Variants in RYR3 observed in about 807,000 individuals in gnomAD.
RYR3 encodes the protein ryanodine receptor 3.
A neutral mutation model predicts 584.3 loss-of-function variants in RYR3; 207 were observed. The observed-to-expected ratio is 0.35, with a 90% CI of 0.32 to 0.40. RYR3 has a LOEUF of 0.40. Among genes scored for constraint, RYR3 ranks in the 10% least tolerant of loss-of-function variants. RYR3 has a pLI of 1.00. For synonymous variants in RYR3, 2,416 were observed against 2,248.5 expected (o/e 1.07, Z -2.11); for missense variants, 5,616 against 6,089.2 (o/e 0.92, Z 2.59).
rs1239044248 is a variant in RYR3 at position 33,785,640 on chromosome 15, C to T, written c.9269-22C>T. On this transcript the variant is annotated intron_variant, in intron 65 of 103. Transcript: ENST00000634891. Reference sequence around the variant, plus strand: ...CCACTGTGCTTTTGAATTTCTGTCCCTTTATTCTTCCTCTCAATCAGTTCT... The same window carrying T: ...CCACTGTGCTTTTGAATTTCTGTCCTTTTATTCTTCCTCTCAATCAGTTCT... The T allele has an allele frequency of 2.6e-6, 4 of 1,533,382 alleles. No individual in the cohort carries two copies. In the Admixed American group the frequency reaches 6.0e-5, roughly 23 times the overall value. 95.0% of individuals were successfully genotyped at this position (1,533,382 alleles called of 1,614,324 possible).
At chr15:33,743,244 T>C (rs548141177) in intron 52 of RYR3, among the ~76,000 whole-genome samples, 5 of 152,232 alleles carry the variant, frequency 3.3e-5, no homozygotes, top group African/African-American at 9.6e-5. Flanking sequence ...AGCTCGTCCT[T>C]CCAGGAGTCT....
intron 16 of RYR3, among the ~76,000 whole-genome samples, chr15:33,588,319 C>A (rs1354725573): frequency 6.6e-6 from 1 of 152,192 alleles, no homozygotes; most frequent in African/African-American, 2.4e-5. Context: ...TCCAGTGTTT[C>A]TCAAGCTGCA....
intron 36 of RYR3, among the ~76,000 whole-genome samples, chr15:33,664,145 A>G (rs1057475226): frequency 2.0e-4 from 31 of 152,080 alleles, no homozygotes; most frequent in African/African-American, 6.3e-4. Flanking sequence ...GCCCCTACTT[A>G]TGAGAGTTGG....
chr15:33,404,583 C>CTTT (rs1555458103), intron 1 of RYR3, among the ~76,000 whole-genome samples: 2 of 129,108 alleles, frequency 1.5e-5, no homozygotes, highest in Non-Finnish European at 3.2e-5. Flanking sequence ...CTATTTACTA[C>CTTT]TGTGTGTTTT....
At chr15:33,456,301 C>G (rs139794691) in intron 1 of RYR3, among the ~76,000 whole-genome samples, 6 of 152,270 alleles carry the variant, frequency 3.9e-5, no homozygotes, top group East Asian at 1.9e-4. Context: ...AAGAATTGAT[C>G]GCGCAGAATG....
intron 1 of RYR3, among the ~76,000 whole-genome samples, chr15:33,387,331 C>A (rs116773228): frequency 1.8e-3 from 279 of 152,274 alleles, no homozygotes; most frequent in African/African-American, 5.9e-3. Flanking sequence ...GCTTTCAATT[C>A]TTTTGGGTAG....
intron 18 of RYR3, among the ~76,000 whole-genome samples, chr15:33,612,898 A>G (rs2060267855): frequency 6.6e-6 from 1 of 152,136 alleles, no homozygotes; most frequent in South Asian, 2.1e-4. Flanking sequence ...TGAGCACATT[A>G]AGTTTTTGTT....
intron 31 of RYR3, among the ~76,000 whole-genome samples, chr15:33,650,667 C>T (rs1367269845): frequency 2.0e-5 from 3 of 152,198 alleles, no homozygotes; most frequent in Non-Finnish European, 2.9e-5. Context: ...AAAATCCGCT[C>T]ATACTCAATG....
At chr15:33,860,987 C>T in intron 101 of RYR3, 91 bp from the exon 102 acceptor site, 2 of 1,046,982 alleles carry the variant, frequency 1.9e-6, no homozygotes, top group South Asian at 1.4e-5. Flanking sequence ...AGAAAGTTTT[C>T]ATTATCCTTC....
chr15:33,666,793 C>G (rs1245849684), intron 36 of RYR3, among the ~76,000 whole-genome samples: 3 of 152,202 alleles, frequency 2.0e-5, no homozygotes, highest in Admixed American at 6.5e-5. Context: ...GCTGGCCTTT[C>G]ACTTCCAAGA....
intron 36 of RYR3, among the ~76,000 whole-genome samples, chr15:33,668,134 T>G (rs1301283032): frequency 7.5e-6 from 1 of 132,904 alleles, no homozygotes; most frequent in East Asian, 2.1e-4. Context: ...CCCTCTCTAC[T>G]AAAAATACTG....
intron 1 of RYR3, among the ~76,000 whole-genome samples, chr15:33,370,687 G>A (rs1262010594): frequency 1.3e-5 from 2 of 152,330 alleles, no homozygotes; most frequent in East Asian, 3.9e-4. Context: ...AGACAAGCAA[G>A]GGTGTGAGCC....
intron 2 of RYR3, among the ~76,000 whole-genome samples, chr15:33,492,259 C>T (rs775040851): frequency 6.6e-6 from 1 of 151,888 alleles, no homozygotes; most frequent in African/African-American, 2.4e-5. Context: ...TAGTATGAGA[C>T]AGTTGGAGGG....
intron 34 of RYR3, 128 bp from the exon 35 acceptor site, chr15:33,662,025 T>G (rs2152705740): frequency 1.3e-5 from 9 of 680,458 alleles, no homozygotes; most frequent in Non-Finnish European, 2.0e-5. Flanking sequence ...TGATAAGCCA[T>G]AAGAGAAACT....
At chr15:33,500,313 A>G (rs1472086551) in intron 2 of RYR3, among the ~76,000 whole-genome samples, 3 of 152,198 alleles carry the variant, frequency 2.0e-5, no homozygotes, top group Non-Finnish European at 2.9e-5. Context: ...GCACAGTGCG[A>G]AGTGAATGTT....
At chr15:33,639,451 C>T (rs1444580495) in intron 27 of RYR3, among the ~76,000 whole-genome samples, 1 of 152,218 alleles carries the variant, frequency 6.6e-6, no homozygotes, top group African/African-American at 2.4e-5. Context: ...CACATAGCAT[C>T]TCTCTTCTCT....
chr15:33,722,635 T>G (rs2068027040), intron 43 of RYR3, 80 bp from the exon 44 acceptor site: 19 of 1,365,556 alleles, frequency 1.4e-5, no homozygotes, highest in Admixed American at 9.0e-5. Flanking sequence ...CAAAATACTG[T>G]TCTCCCAGCC....
At chr15:33,492,014 A>G (rs2051002811) in intron 2 of RYR3, among the ~76,000 whole-genome samples, 1 of 152,236 alleles carries the variant, frequency 6.6e-6, no homozygotes, top group Non-Finnish European at 1.5e-5. Flanking sequence ...TAAGGATGAC[A>G]TGATTGAAGA....
At chr15:33,811,443 G>A (rs1479193030) in intron 72 of RYR3, among the ~76,000 whole-genome samples, 4 of 151,924 alleles carry the variant, frequency 2.6e-5, no homozygotes, top group East Asian at 1.9e-4. Context: ...CCTGGGAGAC[G>A]GAGGTTGTGG....
Sources: gnomAD v4.1 joint callset for allele counts (sites outside exome capture counted in the v4.1 genomes callset) on GRCh38, gnomAD v4.1.1 for gene constraint, MANE v1.5 for transcripts, NCBI Gene and HGNC (gene_info 2026-07-23, HGNC 2026-07-21) for gene names.